INPP5D: variants seen among roughly 807,000 people sequenced by gnomAD.
INPP5D encodes phosphatidylinositol 3,4,5-trisphosphate 5-phosphatase 1.
INPP5D carries 33 observed loss-of-function variants against 122.9 expected under a neutral mutation model. The ratio of observed to expected loss-of-function variants is 0.27; its 90% CI spans 0.20 to 0.36. The LOEUF is 0.36. Among genes scored for constraint, INPP5D ranks in the 10% least tolerant of loss-of-function variants. The pLI is 1.00. For missense variants in INPP5D, 1,053 were observed against 1,412.7 expected, an observed-to-expected ratio of 0.75 and a Z score of 4.08; for synonymous variants, 584 against 576.2, an observed-to-expected ratio of 1.01 and a Z score of -0.19.
At chr2:233,072,818 TCTAA>T (rs1258391507) in intron 1 of INPP5D, among the ~76,000 whole-genome samples, 5 of 152,254 alleles carry the variant, frequency 3.3e-5, no homozygotes, top group African/African-American at 1.2e-4. Context: ...TTTTCTCATT[TCTAA>T]CTGTTTGTGG....
rs190481703 is a variant in INPP5D at position 233,115,771 on chromosome 2, C to A, written c.199-6336C>A. On this transcript the variant is annotated intron_variant, in intron 2 of 26. Coordinates refer to ENST00000445964, the MANE Select transcript of INPP5D (RefSeq NM_001017915.3). ...TCTGCAATGCACATGCCCCTCAACA[C>A]AGTGGTGGGGGCTGCCATTATGTCA... 9.2e-5 allele frequency among the ~76,000 whole-genome samples: 14 copies of A among 152,310 alleles called. 1 individual carries two copies. Among genetic ancestry groups the A allele is most frequent in the Middle Eastern group, 3.4e-3 (1 of 294 alleles).
Position 233,073,361 on chromosome 2 carries a change from C to T in INPP5D, c.135-5974C>T, listed in dbSNP as rs542644249. Among the ~76,000 whole-genome samples, 118 of 152,218 alleles carry T rather than the reference C, an allele frequency of 7.8e-4. 1 individual carries two copies. Among genetic ancestry groups the T allele is most frequent in the Admixed American group, 5.6e-3 (85 of 15,298 alleles). Reference sequence around the variant, plus strand: ...ATATTCTAAAAAATGATCTCTGGACCGGACACAGTGGCTCACGCCTGTAAT... The same window carrying T: ...ATATTCTAAAAAATGATCTCTGGACTGGACACAGTGGCTCACGCCTGTAAT... On this transcript the variant is annotated intron_variant, in intron 1 of 26. Coordinates refer to ENST00000445964, the MANE Select transcript of INPP5D (RefSeq NM_001017915.3).
At chr2:233,132,901 T>C (rs1693368344) in intron 5 of INPP5D, among the ~76,000 whole-genome samples, 1 of 150,382 alleles carries the variant, frequency 6.6e-6, no homozygotes, top group African/African-American at 2.4e-5. Flanking sequence ...TTTTTTTTTT[T>C]TTTTTGAGAC....
At chr2:233,193,691 T>C (rs1695109463) in intron 22 of INPP5D, 121 bp from the exon 23 acceptor site, 10 of 1,538,826 alleles carry the variant, frequency 6.5e-6, no homozygotes, top group Non-Finnish European at 8.8e-6. Context: ...TTCTGACGGA[T>C]TTATTAAATA....
chr2:233,125,469 A>C (rs1229427702), intron 3 of INPP5D, among the ~76,000 whole-genome samples: 1 of 152,174 alleles, frequency 6.6e-6, no homozygotes, highest in Non-Finnish European at 1.5e-5. Flanking sequence ...TAGTCCATCC[A>C]AGGTCAGCAG....
Position 233,169,420 on chromosome 2 carries a change from C to T in INPP5D, c.1652+19C>T. 3 of 1,572,326 alleles carry T rather than the reference C, an allele frequency of 1.9e-6. No homozygotes were observed. The highest frequency in any genetic ancestry group is 2.6e-6 in the Non-Finnish European group (3 of 1,157,964). On this transcript the variant is annotated intron_variant, in intron 14 of 26. Transcript: ENST00000445964. ...AACTCAGGTAATGGAACTCCTTCCC[C>T]CCAAGAGTGTGCATTTGGGCTGTCT...
intron 17 of INPP5D, among the ~76,000 whole-genome samples, chr2:233,173,131 C>T (rs766669669): frequency 1.3e-4 from 20 of 151,566 alleles, no homozygotes; most frequent in Non-Finnish European, 2.4e-4. Context: ...ATCGCTTGAA[C>T]CCGGGAGATG....
chr2:233,115,419 G>A (rs2106248026), intron 2 of INPP5D, among the ~76,000 whole-genome samples: 1 of 152,302 alleles, frequency 6.6e-6, no homozygotes, highest in East Asian at 1.9e-4. Flanking sequence ...CCTGGATGGT[G>A]TGACTTTCCT....
At chr2:233,148,392 A>G (rs1360128928) in intron 9 of INPP5D, among the ~76,000 whole-genome samples, 1 of 152,236 alleles carries the variant, frequency 6.6e-6, no homozygotes, top group Non-Finnish European at 1.5e-5. Context: ...AAGGGCAGAC[A>G]TGGAAGTTTC....
chr2:233,182,498 C>T lies in INPP5D; in HGVS notation c.2160C>T (p.Asn720=), dbSNP rs375629873. 9.9e-6 allele frequency: 16 copies of T among 1,613,270 alleles called. No individual in the cohort carries two copies. Among genetic ancestry groups the T allele is most frequent in the Admixed American group, 6.7e-5 (4 of 59,996 alleles). The change falls in exon 19 of 27, where the codon AAC becomes AAT. Residue 720 remains asparagine (N), a splice_region_variant and synonymous_variant. Coordinates refer to ENST00000445964, the MANE Select transcript of INPP5D (RefSeq NM_001017915.3). ...AGVTSQFVSK[N]GPGTVDSQGQ... ...TCACTTCCCAGTTTGTCTCCAAGAACGGTAAGCAAAGGATGGTGTCTGTTT... is the reference window on the plus strand; with the variant it reads ...TCACTTCCCAGTTTGTCTCCAAGAATGGTAAGCAAAGGATGGTGTCTGTTT...
rs760056592 is a variant in INPP5D, at chr2:233,158,839, C to G, written c.1137+420C>G. 5.3e-5 allele frequency among the ~76,000 whole-genome samples: 8 copies of G among 152,100 alleles called. No individual in the cohort carries two copies. In the South Asian group the frequency reaches 1.7e-3, roughly 32 times the overall value. ...TTTACCATCTAGGCTAGTGCAGTGG[C>G]GTGATCACAGCTCACGGCAGCCTCC... On this transcript the variant is annotated intron_variant, in intron 10 of 26. Transcript: ENST00000445964.
intron 2 of INPP5D, among the ~76,000 whole-genome samples, chr2:233,099,116 A>G (rs1216273295): frequency 6.6e-6 from 1 of 151,912 alleles, no homozygotes; most frequent in South Asian, 2.1e-4. Flanking sequence ...ATGTCTGGCT[A>G]ATTTTTGTAT....
In INPP5D at chr2:233,204,593, C is replaced by T. The variant is rs760496313; in HGVS notation, c.3443C>T (p.Pro1148Leu). 3 of 1,568,032 alleles carry T rather than the reference C, an allele frequency of 1.9e-6. No homozygotes were observed. The highest frequency in any genetic ancestry group is 2.6e-6 in the Non-Finnish European group (3 of 1,157,960). ...CGGCCGCCGCTGCCAGTCAAGAGCC[C>T]GGCGGTGCTGCACCTCCAGCACTCC... ...TPRPPLPVKS[P>L]AVLHLQHSKG... The change falls in exon 26 of 27, where the codon CCG becomes CTG. Residue 1148 changes from proline to leucine, a missense_variant. Physicochemically the swap from Pro to Leu is moderately conservative, Grantham distance 98. Around this residue, in one of 6 missense-constraint regions of INPP5D, gnomAD observed 417 missense variants for 425.8 expected, o/e 0.98. Transcript: ENST00000445964.
At chr2:233,094,058 G>T (rs552079664) in intron 2 of INPP5D, among the ~76,000 whole-genome samples, 1 of 151,980 alleles carries the variant, frequency 6.6e-6, no homozygotes, top group Non-Finnish European at 1.5e-5. Flanking sequence ...GCAGCCACAG[G>T]CCACATGGGG....
rs1695157711 is a variant in INPP5D at position 233,195,479 on chromosome 2, T to A, written c.2677T>A (p.Trp893Arg). 6.2e-7 allele frequency: 1 copy of A among 1,603,704 alleles called. No homozygotes were observed. The highest frequency in any genetic ancestry group is 8.5e-7 in the Non-Finnish European group (1 of 1,174,416). ...SLTSHDPMKQ[W>R]EVTSRAPPCS... Reference sequence around the variant, plus strand: ...CACCAGCCACGACCCCATGAAGCAGTGGGAAGTCACTAGCAGGTAAAGTGG... The same window carrying A: ...CACCAGCCACGACCCCATGAAGCAGAGGGAAGTCACTAGCAGGTAAAGTGG... Residue 893 changes from tryptophan to arginine, a missense_variant, in exon 24 of 27, where the codon TGG (tryptophan) becomes AGG (arginine). Trp to Arg is a moderately radical substitution (Grantham distance 101, BLOSUM62 -3). Around this residue, in one of 6 missense-constraint regions of INPP5D, gnomAD observed 417 missense variants for 425.8 expected, o/e 0.98. Transcript: ENST00000445964.
At chr2:233,138,871 G>T (rs1208762210) in intron 5 of INPP5D, among the ~76,000 whole-genome samples, 2 of 151,664 alleles carry the variant, frequency 1.3e-5, no homozygotes, top group African/African-American at 4.8e-5. Flanking sequence ...TCAGTCTTCC[G>T]AGTAGCTGGA....
At chr2:233,071,546 A>C (rs1036028258) in intron 1 of INPP5D, among the ~76,000 whole-genome samples, 1 of 152,176 alleles carries the variant, frequency 6.6e-6, no homozygotes, top group African/African-American at 2.4e-5. Context: ...TTCCAGGTGA[A>C]CCAGCTAATA....
At chr2:233,079,530 T>C in intron 2 of INPP5D, 132 bp downstream of exon 2, 1 of 671,264 alleles carries the variant, frequency 1.5e-6, no homozygotes. Context: ...CCTGGCTTCC[T>C]CCCAGGTGTC....
rs906394569 is a variant in INPP5D at position 233,160,605 on chromosome 2, T to G, written c.1138-1119T>G. Among the ~76,000 whole-genome samples the G allele has an allele frequency of 6.6e-6, 1 of 152,196 alleles. No homozygotes were observed. The highest frequency in any genetic ancestry group is 1.5e-5 in the Non-Finnish European group (1 of 68,032). On this transcript the variant is annotated intron_variant, in intron 10 of 26. Transcript: ENST00000445964. The surrounding 1 kb of genome is among the most constrained non-coding windows in gnomAD (Gnocchi z 4.2). ...CAGATGTTTTTTAATTTTCTCTTTC[T>G]TTCTTCCTTCCCTTCTTTCTTTCTT...
Sources: gnomAD v4.1 joint callset for allele counts (sites outside exome capture counted in the v4.1 genomes callset) on GRCh38, gnomAD v4.1.1 for gene constraint, gnomAD v4.1.1 regional missense constraint, Gnocchi (gnomAD v3.1) non-coding constraint, MANE v1.5 for transcripts, NCBI Gene and HGNC (gene_info 2026-07-23, HGNC 2026-07-21) for gene names.